MCCC2: variants seen among roughly 807,000 people sequenced by gnomAD.
MCCC2 encodes the protein methylcrotonyl-CoA carboxylase subunit 2.
A neutral mutation model predicts 77.2 loss-of-function variants in MCCC2; 52 were observed. The observed-to-expected ratio is 0.67, with a 90% CI of 0.54 to 0.85. The LOEUF is 0.85. Ranked by LOEUF, MCCC2 falls within the 40% of genes least tolerant of loss-of-function variation. MCCC2 has a pLI of 0.00. For synonymous variants in MCCC2, 253 were observed against 248.4 expected, an observed-to-expected ratio of 1.02 and a Z score of -0.18; for missense variants, 682 against 703.2, an observed-to-expected ratio of 0.97 and a Z score of 0.34.
intron 16 of MCCC2, among the ~76,000 whole-genome samples, chr5:71,654,674 A>G (rs1747533414): frequency 6.6e-6 from 1 of 152,122 alleles, no homozygotes; most frequent in Admixed American, 6.5e-5. Flanking sequence ...CCTGGCTAAG[A>G]TAAATCATCT....
chr5:71,596,241 G>A (rs766278967), intron 2 of MCCC2, 39 bp from the exon 3 acceptor site: 187 of 1,562,678 alleles, frequency 1.2e-4, no homozygotes, highest in Non-Finnish European at 1.4e-4. Flanking sequence ...CCTTTTTATC[G>A]TGTCAATCTA....
intron 4 of MCCC2, among the ~76,000 whole-genome samples, chr5:71,600,761 C>G (rs891139279): frequency 6.6e-6 from 1 of 152,186 alleles, no homozygotes; most frequent in Admixed American, 6.5e-5. Context: ...TATCTGGGAG[C>G]TCAAATGGTC....
intron 13 of MCCC2, among the ~76,000 whole-genome samples, chr5:71,646,940 A>G (rs1747289564): frequency 1.3e-5 from 2 of 152,122 alleles, no homozygotes; most frequent in African/African-American, 4.8e-5. Flanking sequence ...CCCTGAACCA[A>G]AGTCTGGGGA....
chr5:71,598,444 A>T (rs111862476), intron 3 of MCCC2, among the ~76,000 whole-genome samples: 8,814 of 150,582 alleles, frequency 0.059, 400 homozygotes, highest in African/African-American at 0.13. Context: ...TAATTAATTA[A>T]TTATTTATTT....
intron 6 of MCCC2, among the ~76,000 whole-genome samples, chr5:71,620,771 T>C (rs546515396): frequency 6.6e-6 from 1 of 152,198 alleles, no homozygotes; most frequent in African/African-American, 2.4e-5. Flanking sequence ...GTGGAGGGGA[T>C]GACAAGTATT....
At chr5:71,638,892 GATGTT>G (rs1429192271) in intron 10 of MCCC2, among the ~76,000 whole-genome samples, 2 of 152,182 alleles carry the variant, frequency 1.3e-5, no homozygotes, top group Non-Finnish European at 2.9e-5. Context: ...CTACAGAGTG[GATGTT>G]ATAACAGCAG....
chr5:71,650,083 A>G lies in MCCC2; in HGVS notation c.1388A>G (p.Tyr463Cys), dbSNP rs778734586. ...CGRAYSPRFL[Y>C]IWPNARISVM... ...TCTTCCCCCAGCCCAAGATTTCTCTACATTTGGCCAAATGCTCGTATCTCA... is the reference window on the plus strand; with the variant it reads ...TCTTCCCCCAGCCCAAGATTTCTCTGCATTTGGCCAAATGCTCGTATCTCA... Residue 463 changes from tyrosine (Y) to cysteine (C), a missense_variant, in exon 15 of 17, where the codon TAC becomes TGC. By Grantham distance (194) the Tyr-to-Cys change is radical (BLOSUM62 -2). Coordinates refer to ENST00000340941, the MANE Select transcript of MCCC2 (RefSeq NM_022132.5). 4.3e-6 allele frequency: 7 copies of G among 1,613,930 alleles called. No individual in the cohort carries two copies. The highest frequency in any genetic ancestry group is 1.1e-5 in the South Asian group (1 of 91,084).
At chr5:71,635,674 T>G (rs1367088657) in intron 10 of MCCC2, 2 of 307,746 alleles carry the variant, frequency 6.5e-6, no homozygotes, top group Non-Finnish European at 1.3e-5. Flanking sequence ...TGATTAGACC[T>G]GATTACAGTT....
chr5:71,590,835 A>G (rs1744948079), intron 1 of MCCC2, among the ~76,000 whole-genome samples: 1 of 151,154 alleles, frequency 6.6e-6, no homozygotes. Flanking sequence ...AAAAAAGGAT[A>G]CTTTGTATGA....
intron 16 of MCCC2, among the ~76,000 whole-genome samples, chr5:71,653,964 A>AT (rs1015983090): frequency 6.6e-6 from 1 of 151,942 alleles, no homozygotes; most frequent in Non-Finnish European, 1.5e-5. Flanking sequence ...GTTTGAGGAG[A>AT]TAAATAATAC....
At chr5:71,590,399 G>A (rs1419841286) in intron 1 of MCCC2, among the ~76,000 whole-genome samples, 1 of 152,190 alleles carries the variant, frequency 6.6e-6, no homozygotes, top group African/African-American at 2.4e-5. Context: ...GCTTCAGTGG[G>A]TCAGTGCTTT....
Position 71,634,995 on chromosome 5 carries a change from T to G in MCCC2, c.856T>G (p.Leu286Val). The change falls in exon 9 of 17, where the codon TTA (leucine) becomes GTA (valine). Residue 286 changes from leucine (L) to valine (V), a missense_variant. Transcript: ENST00000340941. The part of the protein sequence containing the change: ...WALDDHHALH[L>V]TRKVVRNLNY... The stretch of plus-strand genomic sequence containing the variant: ...TTTGGATGATCATCATGCCCTTCAC[T>G]TAACTAGGAAGGTTGTGAGGAATCT... The G allele has an allele frequency of 6.2e-7, 1 of 1,614,166 alleles. No homozygotes were observed. Among genetic ancestry groups the G allele is most frequent in the South Asian group, 1.1e-5 (1 of 91,088 alleles).
chr5:71,632,278 C>A, intron 8 of MCCC2, 93 bp downstream of exon 8: 1 of 1,133,860 alleles, frequency 8.8e-7, no homozygotes, highest in Non-Finnish European at 1.3e-6. Context: ...CAGTGCTAAA[C>A]TTGCCAGACC....
At position 71,592,290 on chromosome 5, in the gene MCCC2, A is replaced by G. The variant is rs575881404; in HGVS notation, c.130-636A>G. ...CAGCTACTTAGGAGGCTGAGGCAGG[A>G]GAATCGCTTGATCTCGGGAGGCGGA... is the stretch of plus-strand genomic sequence containing the variant. On this transcript the variant is annotated intron_variant, in intron 1 of 16. Coordinates refer to ENST00000340941, the MANE Select transcript of MCCC2 (RefSeq NM_022132.5). 2.0e-5 allele frequency among the ~76,000 whole-genome samples: 3 copies of G among 152,316 alleles called. No homozygotes were observed. In the East Asian group the frequency reaches 5.8e-4, roughly 29 times the overall value.
At chr5:71,640,458 TGG>T in intron 10 of MCCC2, among the ~76,000 whole-genome samples, 1 of 150,202 alleles carries the variant, frequency 6.7e-6, no homozygotes, top group East Asian at 2.0e-4. Context: ...GTCGGAGAGC[TGG>T]GAGTCAGAGC....
chr5:71,604,261 T>A (rs889200224), intron 5 of MCCC2, 95 bp from the exon 6 acceptor site: 37 of 1,079,478 alleles, frequency 3.4e-5, no homozygotes, highest in Non-Finnish European at 5.0e-5. Flanking sequence ...TTTGTGAATG[T>A]GATTAAGAAC....
At chr5:71,614,845 A>G (rs1746109075) in intron 6 of MCCC2, among the ~76,000 whole-genome samples, 1 of 152,134 alleles carries the variant, frequency 6.6e-6, no homozygotes, top group Non-Finnish European at 1.5e-5. Context: ...CTCACACCCC[A>G]AAATCACGTT....
At chr5:71,612,971 T>C (rs1049886608) in intron 6 of MCCC2, among the ~76,000 whole-genome samples, 2 of 152,250 alleles carry the variant, frequency 1.3e-5, no homozygotes, top group Admixed American at 6.5e-5. Context: ...ATTCTGTTCC[T>C]TTCCTAGCCT....
chr5:71,623,976 A>G (rs1746448222), intron 6 of MCCC2, among the ~76,000 whole-genome samples: 1 of 152,222 alleles, frequency 6.6e-6, no homozygotes, highest in African/African-American at 2.4e-5. Context: ...TCCAGCTGCT[A>G]TACCAAATTA....
Sources: allele counts gnomAD v4.1 joint callset (sites outside exome capture counted in the v4.1 genomes callset), GRCh38; gene constraint gnomAD v4.1.1; transcripts MANE v1.5; gene names NCBI Gene and HGNC (gene_info 2026-07-23, HGNC 2026-07-21).